The following LNPEP variants were observed in gnomAD, a reference collection of about 807,000 sequenced individuals.
LNPEP encodes the protein leucyl-cystinyl aminopeptidase.
Under a neutral mutation model 120.6 loss-of-function variants are expected in LNPEP, and 64 were observed. The ratio of observed to expected loss-of-function variants is 0.53; its 90% CI spans 0.43 to 0.65. The LOEUF (loss-of-function observed/expected upper bound fraction) is 0.65. Among genes scored for constraint, LNPEP ranks in the 30% least tolerant of loss-of-function variants. The pLI, the probability that LNPEP is intolerant of heterozygous loss-of-function variation, is 0.00. For synonymous variants in LNPEP, 435 were observed against 425.4 expected (o/e 1.02, Z -0.28); for missense variants, 1,057 against 1,200.0 (o/e 0.88, Z 1.76).
chr5:97,010,573 G>T (rs568374933), intron 11 of LNPEP: 30 of 984,616 alleles, frequency 3.0e-5, no homozygotes, highest in Admixed American at 6.2e-5. Context: ...TAGTAAAAAC[G>T]GGTTTTTTAG....
chr5:96,968,396 C>T (rs758517095), intron 1 of LNPEP, among the ~76,000 whole-genome samples: 1 of 152,072 alleles, frequency 6.6e-6, no homozygotes, highest in Non-Finnish European at 1.5e-5. Flanking sequence ...TAGATAGTGT[C>T]GTTTACTATA....
intron 1 of LNPEP, among the ~76,000 whole-genome samples, chr5:96,944,889 T>C (rs1222988100): frequency 6.6e-6 from 1 of 151,936 alleles, no homozygotes; most frequent in Non-Finnish European, 1.5e-5. Context: ...GATTTTCTGA[T>C]TGGCAGTTGG....
intron 1 of LNPEP, among the ~76,000 whole-genome samples, chr5:96,977,123 G>A (rs945687800): frequency 6.6e-6 from 1 of 151,968 alleles, no homozygotes; most frequent in African/African-American, 2.4e-5. Flanking sequence ...AGTTCAGGTT[G>A]GAGAGGAGTC....
At chr5:96,947,588 G>A (rs1789217464) in intron 1 of LNPEP, among the ~76,000 whole-genome samples, 1 of 152,102 alleles carries the variant, frequency 6.6e-6, no homozygotes, top group Admixed American at 6.6e-5. Context: ...ATGTCCTTTA[G>A]ACAGATTTTT....
chr5:96,937,312 CT>C (rs1288059088), intron 1 of LNPEP: 1 of 152,232 alleles, frequency 6.6e-6, no homozygotes, highest in Admixed American at 6.5e-5. Flanking sequence ...CTGTGAACTA[CT>C]GATTATATTC....
At chr5:97,004,844 T>C (rs180944763) in intron 9 of LNPEP, among the ~76,000 whole-genome samples, 3 of 152,326 alleles carry the variant, frequency 2.0e-5, no homozygotes, top group South Asian at 2.1e-4. Context: ...AGTATTTCAA[T>C]TGAAAGCCAC....
In LNPEP at chr5:97,033,984, T is replaced by C. The variant is rs965947365; in HGVS notation, c.*5451T>C. The C allele has an allele frequency of 6.6e-6, 1 of 152,136 alleles. No individual in the cohort carries two copies. Among genetic ancestry groups the C allele is most frequent in the Non-Finnish European group, 1.5e-5 (1 of 68,022 alleles). 9.4% of individuals were successfully genotyped at this position (152,136 alleles called of 1,614,324 possible). The stretch of plus-strand genomic sequence containing the variant: ...GGGTCTAAGGCAGAATATATCCTTT[T>C]TAAAAATGTATATATACTTTTCATT... On this transcript the variant is annotated 3_prime_UTR_variant, in exon 18 of 18. Transcript: ENST00000231368.
Position 97,028,620 on chromosome 5 carries a change from C to A in LNPEP, c.*87C>A. ...GCTTTTGCAAAAGCCAAGGTAAAGC[C>A]AGGATCGCTGCCAAGTTGTTTGCAC... is the stretch of plus-strand genomic sequence containing the variant. On this transcript the variant is annotated 3_prime_UTR_variant, in exon 18 of 18. Transcript: ENST00000231368. 1 of 1,416,242 alleles carries A rather than the reference C, an allele frequency of 7.1e-7. No homozygotes were observed. Among genetic ancestry groups the A allele is most frequent in the Non-Finnish European group, 9.8e-7 (1 of 1,022,236 alleles). The allele number at this position is 1,416,242 out of a possible 1,614,324, so 87.7% of individuals were successfully genotyped here.
intron 13 of LNPEP, among the ~76,000 whole-genome samples, chr5:97,017,604 G>A (rs1030093766): frequency 1.3e-5 from 2 of 152,028 alleles, no homozygotes; most frequent in Non-Finnish European, 2.9e-5. Flanking sequence ...GATGGTGTGA[G>A]GTAGACACCA....
At chr5:96,984,832 A>G (rs1790204202) in intron 2 of LNPEP, among the ~76,000 whole-genome samples, 1 of 152,054 alleles carries the variant, frequency 6.6e-6, no homozygotes, top group South Asian at 2.1e-4. Context: ...ATGTTTCCTT[A>G]TAATATCTTC....
At chr5:96,938,320 T>C (rs1373334815) in intron 1 of LNPEP, among the ~76,000 whole-genome samples, 3 of 152,242 alleles carry the variant, frequency 2.0e-5, no homozygotes, top group African/African-American at 4.8e-5. Flanking sequence ...AAGCCTGGTA[T>C]TGGATTTTGT....
chr5:96,949,508 G>A (rs1454866239), intron 1 of LNPEP, among the ~76,000 whole-genome samples: 1 of 152,200 alleles, frequency 6.6e-6, no homozygotes, highest in Admixed American at 6.5e-5. Context: ...ACCCCTGTCT[G>A]TGGAAAAATT....
intron 4 of LNPEP, among the ~76,000 whole-genome samples, chr5:96,992,303 A>T (rs779948892): frequency 6.6e-6 from 1 of 152,058 alleles, no homozygotes; most frequent in Non-Finnish European, 1.5e-5. Context: ...TCTGTGTACA[A>T]CTCATAAAAC....
intron 1 of LNPEP, among the ~76,000 whole-genome samples, chr5:96,978,526 A>G (rs1544777): frequency 0.37 from 56,525 of 152,034 alleles, 10,679 homozygotes; most frequent in Non-Finnish European, 0.42. Flanking sequence ...TTCCTCTTTC[A>G]GGGGAAAACA....
chr5:96,951,553 T>TG lies in LNPEP; in HGVS notation c.19+15381dup, dbSNP rs1303912565. Among the ~76,000 whole-genome samples the TG allele has an allele frequency of 9.9e-5, 15 of 151,632 alleles. No homozygotes were observed. The South Asian group carries it at 2.7e-3, about 28-fold the overall frequency. ...GATTACAGGCGTGAGCCACCGCACCTGGCGGGGGGTTAGTGCTTTAATATG... is the reference window on the plus strand; with the variant it reads ...GATTACAGGCGTGAGCCACCGCACCTGGGCGGGGGGTTAGTGCTTTAATATG... On this transcript the variant is annotated intron_variant, in intron 1 of 17. Transcript: ENST00000231368.
At chr5:96,997,008 A>C (rs544021153) in intron 7 of LNPEP, among the ~76,000 whole-genome samples, 1 of 152,128 alleles carries the variant, frequency 6.6e-6, no homozygotes, top group South Asian at 2.1e-4. Flanking sequence ...TAAGGTACAA[A>C]CCACATTTTA....
chr5:97,028,528 C>G lies in LNPEP; in HGVS notation c.3073C>G (p.Leu1025Val). ...EKNLKSLTWW[L>V] ...GAACCTCAAAAGTCTCACATGGTGG[C>G]TGTAGCATGCACAACCGCACCTCAT... Residue 1025 changes from leucine to valine, a missense_variant, in exon 18 of 18, where the codon CTG (leucine) becomes GTG (valine). Transcript: ENST00000231368. 1.9e-6 allele frequency: 3 copies of G among 1,613,590 alleles called. No individual in the cohort carries two copies. Among genetic ancestry groups the G allele is most frequent in the Non-Finnish European group, 2.5e-6 (3 of 1,179,608 alleles).
chr5:96,969,762 T>G (rs989344786), intron 1 of LNPEP, among the ~76,000 whole-genome samples: 1 of 151,772 alleles, frequency 6.6e-6, no homozygotes, highest in Non-Finnish European at 1.5e-5. Flanking sequence ...TATTATTTTT[T>G]CTACTTAGGT....
chr5:97,027,573 G>T (rs965471282), intron 16 of LNPEP, among the ~76,000 whole-genome samples, 160 bp from the exon 17 acceptor site: 1 of 151,886 alleles, frequency 6.6e-6, no homozygotes, highest in Non-Finnish European at 1.5e-5. Context: ...CCTTCCCACC[G>T]ACAATAAGTA....
Sources: allele counts gnomAD v4.1 joint callset (sites outside exome capture counted in the v4.1 genomes callset), GRCh38; gene constraint gnomAD v4.1.1; transcripts MANE v1.5; gene names NCBI Gene and HGNC (gene_info 2026-07-23, HGNC 2026-07-21).